Variants in CDH11 observed in about 807,000 individuals in gnomAD.
CDH11 encodes cadherin-11.
In CDH11, 11 loss-of-function variants were observed where a neutral mutation model predicts 67.8. The observed-to-expected ratio is 0.16, with a 90% CI of 0.10 to 0.27. The LOEUF (loss-of-function observed/expected upper bound fraction) is 0.27. CDH11 is among the 10% of genes least tolerant of loss of function. The pLI is 1.00. For missense variants in CDH11, 847 were observed against 1,031.2 expected, an observed-to-expected ratio of 0.82 and a Z score of 2.45; for synonymous variants, 419 against 400.0, an observed-to-expected ratio of 1.05 and a Z score of -0.57.
At chr16:65,057,111 A>G (rs2074156321) in intron 1 of CDH11, among the ~76,000 whole-genome samples, 1 of 152,230 alleles carries the variant, frequency 6.6e-6, no homozygotes. Context: ...TGATGGAGCT[A>G]AGATGGCTGT....
chr16:65,024,370 C>T (rs2073490444), intron 2 of CDH11, among the ~76,000 whole-genome samples: 1 of 151,988 alleles, frequency 6.6e-6, no homozygotes, highest in African/African-American at 2.4e-5. Context: ...AACCGGGAAA[C>T]CTTAAAAATT....
At chr16:65,053,169 T>C (rs2074086002) in intron 2 of CDH11, among the ~76,000 whole-genome samples, 1 of 152,180 alleles carries the variant, frequency 6.6e-6, no homozygotes, top group South Asian at 2.1e-4. Flanking sequence ...CCTGTGAATA[T>C]TGCTCCAGTT....
rs1193694246 is a variant in CDH11 at position 64,998,620 on chromosome 16, G to A, written c.465C>T (p.Asn155=). ...AGGTCTCGTGCAGGAACTCCGGAGG[G>A]TTGTCATTAATGTCCTGGACCTTGA... ...FIVKVQDIND[N]PPEFLHETYH... The change falls in exon 4 of 13, where the codon AAC becomes AAT. Residue 155 remains asparagine (N), a synonymous_variant. Coordinates refer to ENST00000268603, the MANE Select transcript of CDH11 (RefSeq NM_001797.4). The A allele has an allele frequency of 1.2e-6, 2 of 1,614,094 alleles. No homozygotes were observed. The highest frequency in any genetic ancestry group is 1.7e-6 in the Non-Finnish European group (2 of 1,180,026).
intron 2 of CDH11, among the ~76,000 whole-genome samples, chr16:65,035,605 G>A (rs534057795): frequency 2.1e-3 from 322 of 152,250 alleles, no homozygotes; most frequent in South Asian, 5.0e-3. Context: ...AGGAGTGTGC[G>A]TTCTTAATTT....
intron 2 of CDH11, among the ~76,000 whole-genome samples, chr16:65,015,047 T>G (rs1373822822): frequency 6.7e-6 from 1 of 148,408 alleles, no homozygotes; most frequent in East Asian, 2.0e-4. Context: ...TTATTATTAT[T>G]ATTATTGAGA....
intron 2 of CDH11, among the ~76,000 whole-genome samples, chr16:65,031,134 C>T (rs1050124764): frequency 1.3e-5 from 2 of 152,194 alleles, no homozygotes; most frequent in African/African-American, 4.8e-5. Context: ...GAGCATGTAC[C>T]ACGCTGGATT....
intron 2 of CDH11, among the ~76,000 whole-genome samples, chr16:65,017,273 G>GT (rs920285393): frequency 1.6e-4 from 24 of 152,234 alleles, no homozygotes; most frequent in African/African-American, 5.5e-4. Context: ...AGTCACTCTG[G>GT]TTTGAATGCC....
At chr16:65,065,249 C>T (rs1460070889) in intron 1 of CDH11, among the ~76,000 whole-genome samples, 1 of 152,186 alleles carries the variant, frequency 6.6e-6, no homozygotes, top group Non-Finnish European at 1.5e-5. Flanking sequence ...CCACCTCATG[C>T]CCCTCCCTGT....
intron 4 of CDH11, among the ~76,000 whole-genome samples, chr16:64,994,660 T>C (rs1309590128): frequency 6.6e-6 from 1 of 152,200 alleles, no homozygotes; most frequent in Non-Finnish European, 1.5e-5. Context: ...AAGACAAGGA[T>C]GCCCACTCTC....
At chr16:65,061,499 T>C (rs1420384818) in intron 1 of CDH11, among the ~76,000 whole-genome samples, 7 of 152,232 alleles carry the variant, frequency 4.6e-5, no homozygotes, top group Non-Finnish European at 8.8e-5. Context: ...TTTTCTATAA[T>C]ATTTAAATAT....
intron 2 of CDH11, among the ~76,000 whole-genome samples, chr16:65,011,097 T>A (rs5003950): frequency 0.38 from 43,469 of 114,194 alleles, 6,955 homozygotes; most frequent in South Asian, 0.57. Flanking sequence ...CACATATTTT[T>A]TATATATATA....
chr16:65,099,097 T>G (rs1381451419), intron 1 of CDH11, among the ~76,000 whole-genome samples: 1 of 152,190 alleles, frequency 6.6e-6, no homozygotes. Context: ...AAACTGGGTA[T>G]GATGACTTGT....
intron 8 of CDH11, among the ~76,000 whole-genome samples, chr16:64,974,862 A>G (rs1260556144): frequency 6.6e-6 from 1 of 152,234 alleles, no homozygotes; most frequent in African/African-American, 2.4e-5. Context: ...AATGAAGGGC[A>G]TGAGTTTTGG....
At chr16:65,001,996 T>A (rs1158590036) in intron 3 of CDH11, among the ~76,000 whole-genome samples, 1 of 152,148 alleles carries the variant, frequency 6.6e-6, no homozygotes, top group Admixed American at 6.6e-5. Context: ...TTTCAGGGCA[T>A]CTTAAGCACT....
At chr16:64,995,875 A>T (rs182583204) in intron 4 of CDH11, among the ~76,000 whole-genome samples, 1 of 152,362 alleles carries the variant, frequency 6.6e-6, no homozygotes, top group African/African-American at 2.4e-5. Context: ...TCCAGAATCT[A>T]TAAGGAATTT....
intron 1 of CDH11, among the ~76,000 whole-genome samples, chr16:65,110,515 C>T (rs1597207861): frequency 6.6e-6 from 1 of 152,050 alleles, no homozygotes; most frequent in African/African-American, 2.4e-5. Flanking sequence ...CGGTTGTCCC[C>T]GCTGGACATG....
intron 2 of CDH11, among the ~76,000 whole-genome samples, chr16:65,024,216 C>T (rs1278098969): frequency 6.6e-6 from 1 of 152,166 alleles, no homozygotes; most frequent in African/African-American, 2.4e-5. Context: ...TATTAAGTTC[C>T]CTGAGATTCT....
At chr16:65,042,428 T>C (rs1284851696) in intron 2 of CDH11, among the ~76,000 whole-genome samples, 6 of 151,840 alleles carry the variant, frequency 4.0e-5, no homozygotes, top group Admixed American at 1.3e-4. Context: ...TCCTGAAAGG[T>C]GTGTGAGGAG....
chr16:64,968,016 A>G (rs1196042659), intron 11 of CDH11, among the ~76,000 whole-genome samples: 1 of 152,180 alleles, frequency 6.6e-6, no homozygotes, highest in Non-Finnish European at 1.5e-5. Flanking sequence ...GAGGATTGTT[A>G]TTATTGACAA....
Sources: gnomAD v4.1 joint callset for allele counts (sites outside exome capture counted in the v4.1 genomes callset) on GRCh38, gnomAD v4.1.1 for gene constraint, MANE v1.5 for transcripts, NCBI Gene and HGNC (gene_info 2026-07-23, HGNC 2026-07-21) for gene names.